SOD2: variants seen among roughly 807,000 people sequenced by gnomAD.
The protein encoded by SOD2 is superoxide dismutase [Mn], mitochondrial.
In SOD2, 11 loss-of-function variants were observed where a neutral mutation model predicts 27.0. The observed-to-expected ratio is 0.41, with a 90% CI of 0.26 to 0.67. The LOEUF (loss-of-function observed/expected upper bound fraction) is 0.67. SOD2 is among the 30% of genes least tolerant of loss of function. The pLI, the probability that SOD2 is intolerant of heterozygous loss-of-function variation, is 0.34. For synonymous variants in SOD2, 105 were observed against 103.0 expected, an observed-to-expected ratio of 1.02 and a Z score of -0.12; for missense variants, 250 against 274.5, an observed-to-expected ratio of 0.91 and a Z score of 0.63.
At chr6:159,694,393 C>T (rs909780372), upstream of SOD2, among the ~76,000 whole-genome samples, 1 of 152,034 alleles carries the variant, frequency 6.6e-6, no homozygotes, top group African/African-American at 2.4e-5. Flanking sequence ...AACCCCCGTA[C>T]AGCCCTCCGA....
chr6:159,761,495 C>A (rs751035635), exon 1 of SOD2: 1 of 455,594 alleles, frequency 2.2e-6, no homozygotes, highest in Admixed American at 2.4e-5. Flanking sequence ...GCCCCTCACG[C>A]GAGCGAATGA....
In SOD2 at chr6:159,670,277, G is replaced by C. The variant is rs1779627293; in HGVS notation, c.*12216C>G. On this transcript the variant is annotated 3_prime_UTR_variant, in exon 5 of 5. Coordinates refer to ENST00000538183, the MANE Select transcript of SOD2 (RefSeq NM_000636.4). ...CTGCGTTGGCCTCCCAAAGCACAGA[G>C]ATTACAAGTATAGGCCACCACACTC... 6.6e-6 allele frequency: 1 copy of C among 152,306 alleles called. No homozygotes were observed. Among genetic ancestry groups the C allele is most frequent in the African/African-American group, 2.4e-5 (1 of 41,448 alleles). The allele number at this position is 152,306 out of a possible 1,614,324, so 9.4% of individuals were successfully genotyped here. A position where few individuals can be genotyped will look rare whatever the true frequency, so the allele number is the denominator to read the frequency against.
At chr6:159,692,610 TG>T (rs749570189) in intron 2 of SOD2, 50 bp downstream of exon 2, 10 of 1,603,998 alleles carry the variant, frequency 6.2e-6, no homozygotes, top group Non-Finnish European at 8.5e-6. Flanking sequence ...CCTGGCTCCC[TG>T]GGGTCGCCTC....
intron 1 of SOD2, among the ~76,000 whole-genome samples, chr6:159,714,243 G>T (rs886876878): frequency 1.3e-5 from 2 of 152,164 alleles, no homozygotes; most frequent in African/African-American, 2.4e-5. Context: ...ACGTCGGGTT[G>T]TGAGGACCAA....
At chr6:159,707,507 G>GA (rs1777650134) in intron 1 of SOD2, among the ~76,000 whole-genome samples, 1 of 152,176 alleles carries the variant, frequency 6.6e-6, no homozygotes, top group African/African-American at 2.4e-5. Flanking sequence ...AAATAAACTA[G>GA]AAAATCTAGA....
chr6:159,674,398 A>G lies in SOD2; in HGVS notation c.*8095T>C, dbSNP rs1028639442. ...CAGCATATCAAAAAGCTTATCCACC[A>G]TGATCAAGTGGGCTTCATCCCTGGG... On this transcript the variant is annotated 3_prime_UTR_variant, in exon 5 of 5. Coordinates refer to ENST00000538183, the MANE Select transcript of SOD2 (RefSeq NM_000636.4). 1 of 152,238 alleles carries G rather than the reference A, an allele frequency of 6.6e-6. No homozygotes were observed. Among genetic ancestry groups the G allele is most frequent in the Non-Finnish European group, 1.5e-5 (1 of 68,034 alleles). The allele number at this position is 152,238 out of a possible 1,614,324, so 9.4% of individuals were successfully genotyped here.
chr6:159,697,184 G>A (rs1777438014), upstream of SOD2, among the ~76,000 whole-genome samples: 1 of 151,936 alleles, frequency 6.6e-6, no homozygotes, highest in Non-Finnish European at 1.5e-5. Context: ...CCTCCTATAA[G>A]GCATTATTTC....
chr6:159,692,991 C>T (rs908777739), intron 1 of SOD2, 128 bp from the exon 2 acceptor site: 48 of 1,351,760 alleles, frequency 3.6e-5, no homozygotes, highest in Non-Finnish European at 3.4e-5. Context: ...GATCCCCGCT[C>T]CAGCCGCCGC....
Position 159,677,938 on chromosome 6 carries a change from G to C in SOD2, c.*4555C>G, listed in dbSNP as rs1779815238. 1 of 152,168 alleles carries C rather than the reference G, an allele frequency of 6.6e-6. No homozygotes were observed. Among genetic ancestry groups the C allele is most frequent in the African/African-American group, 2.4e-5 (1 of 41,424 alleles). The allele number at this position is 152,168 out of a possible 1,614,324, so 9.4% of individuals were successfully genotyped here. ...ATTGGTGGCTGGGAGCCTCTAGGTA[G>C]CTTCAGGACGGGGGGCTGCTTACCA... On this transcript the variant is annotated 3_prime_UTR_variant, in exon 5 of 5. Transcript: ENST00000538183.
chr6:159,682,300 T>C lies in SOD2; in HGVS notation c.*193A>G, dbSNP rs1414657701. 2.2e-6 allele frequency: 1 copy of C among 451,780 alleles called. No individual in the cohort carries two copies. Among genetic ancestry groups the C allele is most frequent in the Non-Finnish European group, 3.9e-6 (1 of 259,026 alleles). 28.0% of individuals were successfully genotyped at this position (451,780 alleles called of 1,614,324 possible). On this transcript the variant is annotated 3_prime_UTR_variant, in exon 5 of 5. Coordinates refer to ENST00000538183, the MANE Select transcript of SOD2 (RefSeq NM_000636.4). ...AGATTCAATCACACAAAGCATTTAC[T>C]ATTTTCAATCACTTGCCCAATAACA...
At chr6:159,696,074 T>C (rs1047158801), upstream of SOD2, among the ~76,000 whole-genome samples, 1 of 152,216 alleles carries the variant, frequency 6.6e-6, no homozygotes, top group African/African-American at 2.4e-5. Context: ...ACTGCATTCA[T>C]ATTCCAGTAA....
At chr6:159,688,275 T>C (rs774566691) in intron 2 of SOD2, 33 bp from the exon 3 acceptor site, 17 of 1,295,344 alleles carry the variant, frequency 1.3e-5, no homozygotes, top group Non-Finnish European at 1.9e-5. Context: ...CATTTTTTTG[T>C]AACTCCTACT....
rs898306337 is a variant in SOD2, at chr6:159,679,166, G to A, written c.*3327C>T. 1 of 152,058 alleles carries A rather than the reference G, an allele frequency of 6.6e-6. No individual in the cohort carries two copies. Among genetic ancestry groups the A allele is most frequent in the African/African-American group, 2.4e-5 (1 of 41,390 alleles). The allele number at this position is 152,058 out of a possible 1,614,324, so 9.4% of individuals were successfully genotyped here. A position where few individuals can be genotyped will look rare whatever the true frequency, so the allele number is the denominator to read the frequency against. ...TAACAGTCAAAAACTTCACACAATTGGAAAATAAATGTTTCTTCAATGAAT... is the reference window on the plus strand; with the variant it reads ...TAACAGTCAAAAACTTCACACAATTAGAAAATAAATGTTTCTTCAATGAAT... On this transcript the variant is annotated 3_prime_UTR_variant, in exon 5 of 5. Coordinates refer to ENST00000538183, the MANE Select transcript of SOD2 (RefSeq NM_000636.4).
chr6:159,751,012 G>C (rs1779799646), intron 1 of SOD2, among the ~76,000 whole-genome samples: 1 of 152,206 alleles, frequency 6.6e-6, no homozygotes, highest in African/African-American at 2.4e-5. Flanking sequence ...ATGTGAGAAT[G>C]CACACATTTT....
chr6:159,701,997 T>G (rs1219215893), intron 1 of SOD2, among the ~76,000 whole-genome samples: 4 of 152,212 alleles, frequency 2.6e-5, no homozygotes, highest in Non-Finnish European at 5.9e-5. Context: ...AAAATCTCCC[T>G]GCCTTGTATC....
chr6:159,702,505 G>A (rs921747216), intron 1 of SOD2, among the ~76,000 whole-genome samples: 2 of 151,196 alleles, frequency 1.3e-5, no homozygotes, highest in African/African-American at 4.9e-5. Flanking sequence ...ATGATGACCA[G>A]GCTGGTCTCA....
At chr6:159,736,573 A>T (rs761915105) in intron 1 of SOD2, 3 of 294,988 alleles carry the variant, frequency 1.0e-5, no homozygotes, top group Non-Finnish European at 1.9e-5. Context: ...GAATATTTCC[A>T]GGTCTACTCT....
chr6:159,761,938 G>C, exon 1 of SOD2: 3 of 949,758 alleles, frequency 3.2e-6, no homozygotes, highest in Non-Finnish European at 4.9e-6. Context: ...CCTGCGCACA[G>C]TGGGATGCGC....
In SOD2 at chr6:159,678,543, T is replaced by C. The variant is rs1779827766; in HGVS notation, c.*3950A>G. The stretch of plus-strand genomic sequence containing the variant: ...CTCCATCTCTAAATAAAAAAATAAA[T>C]AAATGAAATATCCTTTACAATAAAT... On this transcript the variant is annotated 3_prime_UTR_variant, in exon 5 of 5. Coordinates refer to ENST00000538183, the MANE Select transcript of SOD2 (RefSeq NM_000636.4). 6.6e-6 allele frequency: 1 copy of C among 152,088 alleles called. No homozygotes were observed. The highest frequency in any genetic ancestry group is 2.4e-5 in the African/African-American group (1 of 41,430). 9.4% of individuals were successfully genotyped at this position (152,088 alleles called of 1,614,324 possible).
Sources: gnomAD v4.1 joint callset for allele counts (sites outside exome capture counted in the v4.1 genomes callset) on GRCh38, gnomAD v4.1.1 for gene constraint, MANE v1.5 for transcripts, NCBI Gene and HGNC (gene_info 2026-07-23, HGNC 2026-07-21) for gene names.